The following CAMSAP3 variants were observed in gnomAD, a reference collection of about 807,000 sequenced individuals.
CAMSAP3 encodes calmodulin regulated spectrin associated protein family member 3.
In CAMSAP3, 34 loss-of-function variants were observed where a neutral mutation model predicts 112.5. The observed-to-expected ratio is 0.30, with a 90% CI of 0.23 to 0.40. The LOEUF (loss-of-function observed/expected upper bound fraction) is 0.40. Ranked by LOEUF, CAMSAP3 falls within the 10% of genes least tolerant of loss-of-function variation. CAMSAP3 has a pLI of 1.00. For missense variants in CAMSAP3, 1,602 were observed against 1,770.3 expected (o/e 0.90, Z 1.71); for synonymous variants, 868 against 799.8 (o/e 1.09, Z -1.44).
rs370876411 is a variant in CAMSAP3, at chr19:7,618,082, G to A, written c.*25G>A. On this transcript the variant is annotated 3_prime_UTR_variant, in exon 17 of 17. Coordinates refer to ENST00000160298, the MANE Select transcript of CAMSAP3 (RefSeq NM_020902.2). ...GCCCCACCCGGGCGGTCCACGGGCCGGGCCCTGTGTGCTGCGGCCGCCATC... is the reference window on the plus strand; with the variant it reads ...GCCCCACCCGGGCGGTCCACGGGCCAGGCCCTGTGTGCTGCGGCCGCCATC... 5.3e-5 allele frequency: 84 copies of A among 1,598,022 alleles called. No homozygotes were observed. The highest frequency in any genetic ancestry group is 1.0e-4 in the South Asian group (9 of 89,850).
chr19:7,605,062 C>T (rs2030134042), intron 1 of CAMSAP3, among the ~76,000 whole-genome samples, 164 bp from the exon 2 acceptor site: 1 of 152,080 alleles, frequency 6.6e-6, no homozygotes, highest in Non-Finnish European at 1.5e-5. Context: ...AACTCCTGCA[C>T]ATCTGCACTC....
At chr19:7,616,443 T>TC (rs1350469810) in intron 13 of CAMSAP3, 80 bp from the exon 14 acceptor site, 3 of 1,017,748 alleles carry the variant, frequency 2.9e-6, no homozygotes, top group Non-Finnish European at 3.1e-6. Flanking sequence ...CCTCCTGTGT[T>TC]CCCCCCACAG....
At position 7,616,590 on chromosome 19, in the gene CAMSAP3, C is replaced by T; in HGVS notation, c.3180C>T (p.His1060=). Residue 1060 remains histidine, a synonymous_variant, in exon 14 of 17, where the codon CAC becomes CAT. Transcript: ENST00000160298. ...TGTCCACTGTGGCCAACGAGGCCCACAATAACCTCGGGGTGAAGAGGCCCA... is the reference window on the plus strand; with the variant it reads ...TGTCCACTGTGGCCAACGAGGCCCATAATAACCTCGGGGTGAAGAGGCCCA... ...LSLSTVANEA[H]NNLGVKRPTS... is the part of the protein sequence containing the mutation. 6.2e-7 allele frequency: 1 copy of T among 1,611,494 alleles called. No individual in the cohort carries two copies. Among genetic ancestry groups the T allele is most frequent in the Non-Finnish European group, 8.5e-7 (1 of 1,179,754 alleles).
chr19:7,616,700 G>A, intron 14 of CAMSAP3, 78 bp downstream of exon 14: 1 of 1,027,394 alleles, frequency 9.7e-7, no homozygotes, highest in Non-Finnish European at 1.5e-6. Context: ...GCATCTGGGT[G>A]AACCTAGAGG....
chr19:7,606,528 C>T lies in CAMSAP3; in HGVS notation c.578C>T (p.Ser193Phe), dbSNP rs778389304. The part of the protein sequence containing the change: ...KTEQEAAQRA[S>F]PAAPADGAAP... ...GAGCAGGAAGCGGCCCAGCGAGCCT[C>T]TCCAGCAGCCCCTGCAGACGGGGCG... Residue 193 changes from serine to phenylalanine, a missense_variant, in exon 4 of 17, where the codon TCT becomes TTT. Coordinates refer to ENST00000160298, the MANE Select transcript of CAMSAP3 (RefSeq NM_020902.2). The T allele has an allele frequency of 1.3e-6, 2 of 1,557,758 alleles. No homozygotes were observed. Among genetic ancestry groups the T allele is most frequent in the Non-Finnish European group, 1.7e-6 (2 of 1,159,114 alleles).
In CAMSAP3 at chr19:7,607,783, C is replaced by T. The variant is rs575107593; in HGVS notation, c.622-343C>T. On this transcript the variant is annotated intron_variant, in intron 4 of 16. Transcript: ENST00000160298. This position sits in a 1 kb window ranked among gnomAD's most constrained non-coding sequence, Gnocchi z 4.9. ...GGCTTGGGGGCCCAGCAGGTCAGCA[C>T]CCCTCCCCCTTGCTGATGGCTGCTC... The T allele has an allele frequency of 3.7e-6, 3 of 800,762 alleles. No homozygotes were observed. Among genetic ancestry groups the T allele is most frequent in the South Asian group, 1.9e-5 (1 of 52,888 alleles). 49.6% of individuals were successfully genotyped at this position (800,762 alleles called of 1,614,324 possible).
chr19:7,599,199 A>T (rs4804751), intron 1 of CAMSAP3, among the ~76,000 whole-genome samples: 23,538 of 151,330 alleles, frequency 0.16, 1,946 homozygotes, highest in Admixed American at 0.25. Context: ...CCATCCACCC[A>T]TCCATCTACC....
At chr19:7,605,175 TG>T in intron 1 of CAMSAP3, 50 bp from the exon 2 acceptor site, 1 of 1,301,808 alleles carries the variant, frequency 7.7e-7, no homozygotes, top group East Asian at 2.5e-5. Context: ...TGTGTGTGTG[TG>T]TTGTATCTGG....
Position 7,612,024 on chromosome 19 carries a change from G to A in CAMSAP3, c.1531G>A (p.Asp511Asn), listed in dbSNP as rs539023028. The change falls in exon 11 of 17, where the codon GAC becomes AAC. Residue 511 changes from aspartate to asparagine, a missense_variant. By Grantham distance (23) the Asp-to-Asn change is conservative. Around this residue, in one of 6 missense-constraint regions of CAMSAP3, gnomAD observed 1,100 missense variants for 1,135.7 expected, o/e 0.97. Transcript: ENST00000160298. ...CGAGGGGACCTCCAAACCACTGTCC[G>A]ACAGGCCCACCAAAGCACCAGTGTA... ...LPEGTSKPLS[D>N]RPTKAPVYMP... 5 of 1,612,832 alleles carry A rather than the reference G, an allele frequency of 3.1e-6. No homozygotes were observed. The highest frequency in any genetic ancestry group is 2.7e-5 in the African/African-American group (2 of 74,942).
chr19:7,597,667 G>A (rs1269073151), intron 1 of CAMSAP3, among the ~76,000 whole-genome samples: 1 of 152,226 alleles, frequency 6.6e-6, no homozygotes. Context: ...AATTCTTCGC[G>A]TGGCACGGGG....
Position 7,610,937 on chromosome 19 carries a change from C to A in CAMSAP3, c.1049+6C>A. 6.3e-7 allele frequency: 1 copy of A among 1,580,002 alleles called. No homozygotes were observed. The highest frequency in any genetic ancestry group is 8.6e-7 in the Non-Finnish European group (1 of 1,161,490). On this transcript the variant is annotated splice_donor_region_variant and intron_variant, in intron 8 of 16. Coordinates refer to ENST00000160298, the MANE Select transcript of CAMSAP3 (RefSeq NM_020902.2). This position sits in a 1 kb window ranked among gnomAD's most constrained non-coding sequence, Gnocchi z 4.9. ...CAGAACAACAGCGGCAGTAGGTACG[C>A]TCCCCACACTGGGCGAGTCTCTGGC...
chr19:7,616,682 G>A (rs534241645), intron 14 of CAMSAP3, 60 bp downstream of exon 14: 7 of 1,245,216 alleles, frequency 5.6e-6, no homozygotes, highest in African/African-American at 3.0e-5. Flanking sequence ...AGCCTGGGAG[G>A]TGTGTGGGCA....
chr19:7,610,663 A>C lies in CAMSAP3; in HGVS notation c.901-37A>C, dbSNP rs755475329. 14 of 1,613,664 alleles carry C rather than the reference A, an allele frequency of 8.7e-6. No individual in the cohort carries two copies. The highest frequency in any genetic ancestry group is 1.2e-5 in the Non-Finnish European group (14 of 1,179,970). ...TGGGCCGAGGCGGGCATCTGGGGCCAGGGGTCCCGTCTGCTGACCCGGCCT... is the reference window on the plus strand; with the variant it reads ...TGGGCCGAGGCGGGCATCTGGGGCCCGGGGTCCCGTCTGCTGACCCGGCCT... On this transcript the variant is annotated intron_variant, in intron 6 of 16. Coordinates refer to ENST00000160298, the MANE Select transcript of CAMSAP3 (RefSeq NM_020902.2). This position sits in a 1 kb window ranked among gnomAD's most constrained non-coding sequence, Gnocchi z 4.9.
At position 7,612,942 on chromosome 19, in the gene CAMSAP3, C is replaced by G. The variant is rs1344335768; in HGVS notation, c.2449C>G (p.Gln817Glu). Residue 817 changes from glutamine (Q) to glutamate (E), a missense_variant, in exon 11 of 17, where the codon CAG becomes GAG. Physicochemically the swap from Gln to Glu is conservative, Grantham distance 29. This residue lies in a region of CAMSAP3 where 1,100 missense variants were observed against 1,135.7 expected (regional missense o/e 0.97). Transcript: ENST00000160298. ...LPHLRKFSPS[Q>E]VPVQTRSSIL... Reference sequence around the variant, plus strand: ...CCACCTGCGCAAGTTCTCGCCGAGCCAGGTGCCCGTGCAGACGCGCTCTTC... The same window carrying G: ...CCACCTGCGCAAGTTCTCGCCGAGCGAGGTGCCCGTGCAGACGCGCTCTTC... 6.2e-7 allele frequency: 1 copy of G among 1,609,268 alleles called. No individual in the cohort carries two copies. Among genetic ancestry groups the G allele is most frequent in the Admixed American group, 1.7e-5 (1 of 59,920 alleles).
Position 7,607,739 on chromosome 19 carries a change from C to A in CAMSAP3, c.622-387C>A. On this transcript the variant is annotated intron_variant, in intron 4 of 16. Coordinates refer to ENST00000160298, the MANE Select transcript of CAMSAP3 (RefSeq NM_020902.2). This position sits in a 1 kb window ranked among gnomAD's most constrained non-coding sequence, Gnocchi z 4.9. ...GGGCTCAGGACCAGGGTCAGGGCTA[C>A]CCCCTCCCCCCCAAGGTGGGCTTGG... The A allele has an allele frequency of 1.8e-6, 1 of 553,850 alleles. No individual in the cohort carries two copies. Among genetic ancestry groups the A allele is most frequent in the Non-Finnish European group, 3.3e-6 (1 of 307,046 alleles). The allele number at this position is 553,850 out of a possible 1,614,324, so 34.3% of individuals were successfully genotyped here.
intron 1 of CAMSAP3, among the ~76,000 whole-genome samples, chr19:7,602,232 T>G (rs1450279163): frequency 6.6e-6 from 1 of 152,024 alleles, no homozygotes; most frequent in African/African-American, 2.4e-5. Context: ...ACCAGAGATT[T>G]TGCTAAACAT....
chr19:7,599,317 AC>A (rs1342640490), intron 1 of CAMSAP3, among the ~76,000 whole-genome samples: 21 of 47,622 alleles, frequency 4.4e-4, no homozygotes, highest in Non-Finnish European at 4.3e-4. Flanking sequence ...CCATCCACCC[AC>A]CCCACTCATC....
intron 2 of CAMSAP3, 114 bp from the exon 3 acceptor site, chr19:7,606,157 C>CCCCT (rs2030208221): frequency 2.0e-6 from 1 of 501,084 alleles, no homozygotes; most frequent in African/African-American, 3.3e-5. Flanking sequence ...TCAAGCCCCA[C>CCCCT]CCCCCCCGTC....
intron 14 of CAMSAP3, among the ~76,000 whole-genome samples, chr19:7,616,953 T>TGTTTTTG (rs1555763716): frequency 9.8e-5 from 13 of 131,990 alleles, no homozygotes; most frequent in Middle Eastern, 3.8e-3. Flanking sequence ...TTTTTTTTTT[T>TGTTTTTG]TTTTTGTTTT....
Sources: gnomAD v4.1 joint callset for allele counts (sites outside exome capture counted in the v4.1 genomes callset) on GRCh38, gnomAD v4.1.1 for gene constraint, gnomAD v4.1.1 regional missense constraint, Gnocchi (gnomAD v3.1) non-coding constraint, MANE v1.5 for transcripts, NCBI Gene and HGNC (gene_info 2026-07-23, HGNC 2026-07-21) for gene names.